DGKB: variants seen among roughly 807,000 people sequenced by gnomAD.
DGKB encodes diacylglycerol kinase beta.
In DGKB, 67 loss-of-function variants were observed where a neutral mutation model predicts 114.3. The observed-to-expected ratio is 0.59, with a 90% confidence interval of 0.48 to 0.72. DGKB has a LOEUF of 0.72. Ranked by LOEUF, DGKB falls within the 30% of genes least tolerant of loss-of-function variation. DGKB has a pLI of 0.00. For missense variants in DGKB, 907 were observed against 975.2 expected, an observed-to-expected ratio of 0.93 and a Z score of 0.93; for synonymous variants, 398 against 323.1, an observed-to-expected ratio of 1.23 and a Z score of -2.49.
intron 23 of DGKB, among the ~76,000 whole-genome samples, chr7:14,296,575 G>A (rs756051869): frequency 6.6e-6 from 1 of 151,978 alleles, no homozygotes; most frequent in Non-Finnish European, 1.5e-5. Flanking sequence ...CTGAGGAATT[G>A]CCAAACATGA....
intron 21 of DGKB, among the ~76,000 whole-genome samples, chr7:14,474,396 T>G (rs536511442): frequency 2.6e-5 from 4 of 152,304 alleles, no homozygotes; most frequent in Admixed American, 2.0e-4. Context: ...CAATAAACCT[T>G]TCTTTTGTAA....
chr7:14,285,120 A>G (rs975403055), intron 23 of DGKB, among the ~76,000 whole-genome samples: 1 of 152,210 alleles, frequency 6.6e-6, no homozygotes, highest in Non-Finnish European at 1.5e-5. Flanking sequence ...AGAGACCATT[A>G]TTTCTTTACA....
At chr7:14,235,947 A>C (rs998075131) in intron 23 of DGKB, among the ~76,000 whole-genome samples, 1 of 152,030 alleles carries the variant, frequency 6.6e-6, no homozygotes, top group Admixed American at 6.6e-5. Flanking sequence ...CACTGCAAAA[A>C]ACACACACAT....
At chr7:14,553,219 T>G (rs1339894534) in intron 20 of DGKB, among the ~76,000 whole-genome samples, 1 of 152,240 alleles carries the variant, frequency 6.6e-6, no homozygotes, top group African/African-American at 2.4e-5. Flanking sequence ...CATATGCACA[T>G]GCTTTGTCAC....
intron 1 of DGKB, among the ~76,000 whole-genome samples, chr7:14,952,564 T>C (rs886678580): frequency 1.3e-5 from 2 of 151,458 alleles, no homozygotes; most frequent in Non-Finnish European, 2.9e-5. Flanking sequence ...AAATACAGCC[T>C]GAGCAACATG....
chr7:14,443,273 C>T (rs931770299), intron 21 of DGKB, among the ~76,000 whole-genome samples: 1 of 152,092 alleles, frequency 6.6e-6, no homozygotes, highest in Non-Finnish European at 1.5e-5. Context: ...CAAAGTTACA[C>T]GTTCGAATTT....
intron 1 of DGKB, among the ~76,000 whole-genome samples, chr7:14,866,268 A>T (rs947639639): frequency 3.3e-5 from 5 of 152,114 alleles, no homozygotes; most frequent in Non-Finnish European, 7.4e-5. Flanking sequence ...AGACACCATA[A>T]TCACCGAAAG....
chr7:14,550,041 G>C (rs1202826993), intron 20 of DGKB, among the ~76,000 whole-genome samples: 1 of 150,808 alleles, frequency 6.6e-6, no homozygotes, highest in East Asian at 1.9e-4. Flanking sequence ...AGCAATTTTT[G>C]AAAATTTATT....
chr7:14,661,589 A>G (rs1380370366), intron 13 of DGKB, among the ~76,000 whole-genome samples: 1 of 151,960 alleles, frequency 6.6e-6, no homozygotes, highest in Non-Finnish European at 1.5e-5. Flanking sequence ...AAATAGGAAC[A>G]CTTTTACACT....
At chr7:14,787,844 G>A (rs888899692) in intron 2 of DGKB, among the ~76,000 whole-genome samples, 3 of 152,222 alleles carry the variant, frequency 2.0e-5, no homozygotes, top group African/African-American at 7.2e-5. Context: ...GAAGGGACAG[G>A]AAAACCTCTC....
At chr7:14,871,488 C>T (rs1361741756) in intron 1 of DGKB, among the ~76,000 whole-genome samples, 7 of 152,108 alleles carry the variant, frequency 4.6e-5, no homozygotes, top group Non-Finnish European at 8.8e-5. Flanking sequence ...CTCCAATTTA[C>T]TATCCACAGA....
intron 23 of DGKB, among the ~76,000 whole-genome samples, chr7:14,311,799 T>G (rs987456736): frequency 1.3e-5 from 2 of 152,308 alleles, no homozygotes; most frequent in Admixed American, 1.3e-4. Flanking sequence ...TTCCGTATTT[T>G]TGGTGTAATA....
intron 1 of DGKB, among the ~76,000 whole-genome samples, chr7:14,910,242 A>AAAAG (rs61063816): frequency 0.02 from 2,166 of 109,956 alleles, 50 homozygotes; most frequent in East Asian, 0.039. Flanking sequence ...CTCCATCAAA[A>AAAAG]AAAGAAAGAA....
At chr7:14,488,841 A>C (rs13309084) in intron 20 of DGKB, among the ~76,000 whole-genome samples, 8 of 98,074 alleles carry the variant, frequency 8.2e-5, no homozygotes, top group East Asian at 9.9e-4. Flanking sequence ...CCAAAAAAAA[A>C]CAAAAAAAAA....
intron 20 of DGKB, among the ~76,000 whole-genome samples, chr7:14,495,716 T>C (rs1414782953): frequency 6.6e-6 from 1 of 151,792 alleles, no homozygotes; most frequent in Non-Finnish European, 1.5e-5. Flanking sequence ...CTGCCTGTAG[T>C]GTCTCTTTAA....
At chr7:14,385,479 A>G (rs1820181157) in intron 21 of DGKB, among the ~76,000 whole-genome samples, 1 of 152,228 alleles carries the variant, frequency 6.6e-6, no homozygotes, top group African/African-American at 2.4e-5. Context: ...TGACTTATTC[A>G]TACATGGTCC....
At chr7:14,806,914 C>T (rs998169823) in intron 2 of DGKB, among the ~76,000 whole-genome samples, 4 of 151,904 alleles carry the variant, frequency 2.6e-5, no homozygotes, top group Non-Finnish European at 5.9e-5. Flanking sequence ...TGCTGAGATG[C>T]CAATTTCAGG....
chr7:14,852,279 AGTGT>A (rs143744648), intron 1 of DGKB, among the ~76,000 whole-genome samples: 6 of 149,720 alleles, frequency 4.0e-5, no homozygotes, highest in East Asian at 2.0e-4. Context: ...TGCTGAAAGA[AGTGT>A]GTGTGTGTGT....
intron 23 of DGKB, among the ~76,000 whole-genome samples, chr7:14,338,156 A>T (rs1811008966): frequency 6.6e-6 from 1 of 152,136 alleles, no homozygotes; most frequent in Non-Finnish European, 1.5e-5. Flanking sequence ...AACCTTAGAA[A>T]AGCCTTAACT....
Sources: allele counts gnomAD v4.1 joint callset (sites outside exome capture counted in the v4.1 genomes callset), GRCh38; gene constraint gnomAD v4.1.1; transcripts MANE v1.5; gene names NCBI Gene and HGNC (gene_info 2026-07-23, HGNC 2026-07-21).